Variants in CNTNAP4 observed in about 807,000 individuals in gnomAD.
The protein encoded by CNTNAP4 is contactin-associated protein-like 4.
A neutral mutation model predicts 148.4 loss-of-function variants in CNTNAP4; 98 were observed. The observed-to-expected ratio is 0.66, with a 90% CI of 0.56 to 0.78. The LOEUF (loss-of-function observed/expected upper bound fraction) is 0.78. CNTNAP4 is among the 30% of genes least tolerant of loss of function. The probability of loss-of-function intolerance (pLI) is 0.00; values close to 1 mark genes in which losing one functional copy is unlikely to be tolerated. For synonymous variants in CNTNAP4, 730 were observed against 565.1 expected, an observed-to-expected ratio of 1.29 and a Z score of -4.14; for missense variants, 1,935 against 1,565.6, an observed-to-expected ratio of 1.24 and a Z score of -3.98.
rs546264903 is a variant in CNTNAP4 at position 76,450,848 on chromosome 16, A to G, written c.1071+990A>G. On this transcript the variant is annotated intron_variant, in intron 7 of 23. Coordinates refer to ENST00000611870, the MANE Select transcript of CNTNAP4 (RefSeq NM_033401.5). ...GTATTGTGAACAGTGGATCTATATT[A>G]GGACTTGGACCTCAGCAATTTTCAG... 4.6e-5 allele frequency among the ~76,000 whole-genome samples: 7 copies of G among 152,352 alleles called. No homozygotes were observed. In the South Asian group the frequency reaches 1.4e-3, roughly 32 times the overall value.
intron 3 of CNTNAP4, among the ~76,000 whole-genome samples, chr16:76,360,962 G>A (rs2013356630): frequency 2.0e-5 from 3 of 151,252 alleles, no homozygotes; most frequent in South Asian, 2.1e-4. Context: ...AACTACAGGC[G>A]CCTGCCTCCA....
rs202005934 is a variant in CNTNAP4 at position 76,421,906 on chromosome 16, C to CG, written c.391-5543dup. 7.0e-3 allele frequency among the ~76,000 whole-genome samples: 1,062 copies of CG among 152,252 alleles called. 15 individuals are homozygous for CG. Among genetic ancestry groups the CG allele is most frequent in the African/African-American group, 0.025 (1,028 of 41,554 alleles). ...GAGTCTGCTGTGCAACTATGTGTAA[C>CG]GGGTCCCATGTTTCTGATTTATAAC... On this transcript the variant is annotated intron_variant, in intron 3 of 23. Coordinates refer to ENST00000611870, the MANE Select transcript of CNTNAP4 (RefSeq NM_033401.5).
chr16:76,556,385 C>T (rs887294536), intron 23 of CNTNAP4, among the ~76,000 whole-genome samples: 6 of 152,112 alleles, frequency 3.9e-5, no homozygotes, highest in Non-Finnish European at 5.9e-5. Context: ...TGGTATAACA[C>T]GTGTGATCAA....
At chr16:76,433,186 T>C (rs1163695986) in intron 4 of CNTNAP4, among the ~76,000 whole-genome samples, 2 of 152,066 alleles carry the variant, frequency 1.3e-5, no homozygotes, top group East Asian at 3.9e-4. Context: ...ATAACAACAA[T>C]GAAGAATGAA....
chr16:76,497,196 T>G (rs9319499), intron 14 of CNTNAP4, among the ~76,000 whole-genome samples: 1 of 152,210 alleles, frequency 6.6e-6, no homozygotes, highest in African/African-American at 2.4e-5. Flanking sequence ...TGTTTACTTT[T>G]ATTATAAAGT....
chr16:76,334,713 C>G (rs1963868039), intron 2 of CNTNAP4, among the ~76,000 whole-genome samples: 1 of 152,132 alleles, frequency 6.6e-6, no homozygotes, highest in South Asian at 2.1e-4. Flanking sequence ...CAAAATCCAT[C>G]TATCAAAAGA....
chr16:76,465,847 G>C (rs1464831459), intron 9 of CNTNAP4, among the ~76,000 whole-genome samples: 3 of 152,166 alleles, frequency 2.0e-5, no homozygotes, highest in African/African-American at 7.2e-5. Context: ...AAAATAAAAT[G>C]TTTCGGTGTG....
At chr16:76,495,657 T>A (rs2082378685) in intron 14 of CNTNAP4, among the ~76,000 whole-genome samples, 1 of 152,062 alleles carries the variant, frequency 6.6e-6, no homozygotes, top group Non-Finnish European at 1.5e-5. Flanking sequence ...AAAAAGACAT[T>A]GATAGTATTT....
chr16:76,369,823 C>G (rs910713223), intron 3 of CNTNAP4, among the ~76,000 whole-genome samples: 1 of 152,004 alleles, frequency 6.6e-6, no homozygotes, highest in Non-Finnish European at 1.5e-5. Flanking sequence ...GTCTGGGCAA[C>G]AGAGTGAGAC....
intron 2 of CNTNAP4, among the ~76,000 whole-genome samples, chr16:76,329,455 A>C (rs2144231024): frequency 6.6e-6 from 1 of 152,300 alleles, no homozygotes; most frequent in South Asian, 2.1e-4. Context: ...GTTCCCGTGC[A>C]CTATCTCCTT....
At chr16:76,413,269 G>A (rs1393855239) in intron 3 of CNTNAP4, among the ~76,000 whole-genome samples, 2 of 151,206 alleles carry the variant, frequency 1.3e-5, no homozygotes, top group East Asian at 1.9e-4. Context: ...ACACTTCTCA[G>A]CCTCTAGTAA....
At chr16:76,400,136 G>T (rs1267495315) in intron 3 of CNTNAP4, among the ~76,000 whole-genome samples, 3 of 152,088 alleles carry the variant, frequency 2.0e-5, no homozygotes, top group Non-Finnish European at 4.4e-5. Context: ...GGACCGTCTG[G>T]GTATTACTGT....
At chr16:76,427,140 A>G (rs1205929766) in intron 3 of CNTNAP4, among the ~76,000 whole-genome samples, 1 of 152,154 alleles carries the variant, frequency 6.6e-6, no homozygotes, top group Non-Finnish European at 1.5e-5. Flanking sequence ...GTTAAGTGCT[A>G]CAGACATGGC....
intron 11 of CNTNAP4, among the ~76,000 whole-genome samples, chr16:76,477,165 A>G (rs1172355405): frequency 2.6e-5 from 4 of 152,190 alleles, no homozygotes; most frequent in African/African-American, 9.7e-5. Flanking sequence ...AACATCTTCT[A>G]GAGCCTGGGA....
chr16:76,363,153 C>G (rs971031314), intron 3 of CNTNAP4, among the ~76,000 whole-genome samples: 2 of 151,054 alleles, frequency 1.3e-5, no homozygotes, highest in Admixed American at 1.3e-4. Context: ...TGAAATTAAA[C>G]CCTTATCTTT....
intron 2 of CNTNAP4, among the ~76,000 whole-genome samples, chr16:76,340,641 T>C (rs1362609299): frequency 1.3e-5 from 2 of 152,204 alleles, no homozygotes; most frequent in African/African-American, 2.4e-5. Flanking sequence ...TACATATTTA[T>C]AGGGAGTTTC....
intron 21 of CNTNAP4, among the ~76,000 whole-genome samples, chr16:76,551,166 G>T (rs982921360): frequency 6.6e-6 from 1 of 152,000 alleles, no homozygotes; most frequent in Non-Finnish European, 1.5e-5. Context: ...TCTCAGCAAC[G>T]TTGGGAGGCC....
In CNTNAP4 at chr16:76,535,794, G is replaced by C; in HGVS notation, c.2995+10G>C. 6.2e-7 allele frequency: 1 copy of C among 1,607,984 alleles called. No homozygotes were observed. The highest frequency in any genetic ancestry group is 1.7e-5 in the Admixed American group (1 of 59,620). On this transcript the variant is annotated intron_variant, in intron 18 of 23. Coordinates refer to ENST00000611870, the MANE Select transcript of CNTNAP4 (RefSeq NM_033401.5). ...CCATTCTGCTCAAATGGTAAGTGTG[G>C]CATGGAAGACTGTAAGAGGAAAATT...
At chr16:76,539,652 A>C in intron 19 of CNTNAP4, 67 bp from the exon 20 acceptor site, 1 of 1,345,102 alleles carries the variant, frequency 7.4e-7, no homozygotes. Flanking sequence ...AATCACTCTG[A>C]TTTTTAAGTA....
Sources: allele counts gnomAD v4.1 joint callset (sites outside exome capture counted in the v4.1 genomes callset), GRCh38; gene constraint gnomAD v4.1.1; transcripts MANE v1.5; gene names NCBI Gene and HGNC (gene_info 2026-07-23, HGNC 2026-07-21).